SLC13A2: variants seen among roughly 807,000 people sequenced by gnomAD.
SLC13A2 encodes the protein Na(+)-coupled citrate transporter.
In SLC13A2, 40 loss-of-function variants were observed where a neutral mutation model predicts 58.5. The ratio of observed to expected loss-of-function variants is 0.68; its 90% CI spans 0.53 to 0.89. The LOEUF (loss-of-function observed/expected upper bound fraction) is 0.89, where lower values mean the gene tolerates loss of function less well. Among genes scored for constraint, SLC13A2 ranks in the 40% least tolerant of loss-of-function variants. SLC13A2 has a pLI of 0.00. For synonymous variants in SLC13A2, 341 were observed against 331.6 expected, an observed-to-expected ratio of 1.03 and a Z score of -0.31; for missense variants, 694 against 772.6, an observed-to-expected ratio of 0.90 and a Z score of 1.21.
In SLC13A2 at chr17:28,494,867, G is replaced by A. The variant is rs1490498121; in HGVS notation, c.1308+355G>A. Among the ~76,000 whole-genome samples the A allele has an allele frequency of 6.6e-6, 1 of 152,062 alleles. No homozygotes were observed. The highest frequency in any genetic ancestry group is 2.4e-5 in the African/African-American group (1 of 41,392). On this transcript the variant is annotated intron_variant, in intron 9 of 11. Transcript: ENST00000314669. This position sits in a 1 kb window ranked among gnomAD's most constrained non-coding sequence, Gnocchi z 4.0. ...AAGTAATTGGGGGTTGTGTTGACGC[G>A]GTCTGCCCTCCGCAGCCACCAGGGG...
At chr17:28,493,895 G>T in intron 7 of SLC13A2, 106 bp downstream of exon 7, 1 of 1,463,298 alleles carries the variant, frequency 6.8e-7, no homozygotes, top group African/African-American at 1.4e-5. Flanking sequence ...AACACTTGGT[G>T]GGGGATGAAG....
At chr17:28,493,853 G>T (rs1555604078) in intron 7 of SLC13A2, 64 bp downstream of exon 7, 1 of 1,571,362 alleles carries the variant, frequency 6.4e-7, no homozygotes. Flanking sequence ...AAGGAGGGAA[G>T]GGTATAGGGC....
rs374313283 is a variant in SLC13A2, at chr17:28,495,842, C to T, written c.1470+26C>T. On this transcript the variant is annotated intron_variant, in intron 10 of 11. Transcript: ENST00000314669. ...GTGAGCTGGCCCTCAGAAACACCTC[C>T]TCCAGGCAGCCCGCCTGCCTGCCCC... 6.2e-6 allele frequency: 10 copies of T among 1,603,284 alleles called. No homozygotes were observed. In the African/African-American group the frequency reaches 1.3e-4, roughly 21 times the overall value.
Position 28,494,620 on chromosome 17 carries a change from G to T in SLC13A2, c.1308+108G>T. ...AGAGGGGAGACCTGGTCCCCACGTA[G>T]GAGCCTCTCGGGTAGGCAGAGCCTT... On this transcript the variant is annotated intron_variant, in intron 9 of 11. Transcript: ENST00000314669. This position sits in a 1 kb window ranked among gnomAD's most constrained non-coding sequence, Gnocchi z 4.0. 6.7e-7 allele frequency: 1 copy of T among 1,500,362 alleles called. No individual in the cohort carries two copies. The highest frequency in any genetic ancestry group is 1.2e-5 in the South Asian group (1 of 80,014). The allele number at this position is 1,500,362 out of a possible 1,614,324, so 92.9% of individuals were successfully genotyped here. A position where few individuals can be genotyped will look rare whatever the true frequency, so the allele number is the denominator to read the frequency against.
chr17:28,496,457 C>T lies in SLC13A2; in HGVS notation c.1478C>T (p.Ala493Val). The change falls in exon 11 of 12, where the codon GCC (alanine) becomes GTC (valine). Residue 493 changes from alanine (A) to valine (V), a missense_variant. Coordinates refer to ENST00000314669, the MANE Select transcript of SLC13A2 (RefSeq NM_003984.4). The surrounding 1 kb of genome is among the most constrained non-coding windows in gnomAD (Gnocchi z 4.2). ...FLPILASMAQ[A>V]ICLHPLYVML... ...CACTGCCTCCCACTCCAGGCCCAGG[C>T]CATCTGCCTCCACCCTCTCTACGTC... is the stretch of plus-strand genomic sequence containing the variant. 6.2e-7 allele frequency: 1 copy of T among 1,603,388 alleles called. No individual in the cohort carries two copies.
intron 1 of SLC13A2, among the ~76,000 whole-genome samples, chr17:28,479,079 T>C (rs1219721049): frequency 6.6e-6 from 1 of 151,890 alleles, no homozygotes; most frequent in Non-Finnish European, 1.5e-5. Flanking sequence ...CCAGGTGTGG[T>C]GGTGTGTGCC....
chr17:28,494,345 G>T lies in SLC13A2; in HGVS notation c.1187-46G>T, dbSNP rs1358494251. The stretch of plus-strand genomic sequence containing the variant: ...GAGCCCGCAAATGGAGAGGGGAAAG[G>T]CCTGTTTGTTCTTTGGTGACCCATC... On this transcript the variant is annotated intron_variant, in intron 8 of 11. Transcript: ENST00000314669. This position sits in a 1 kb window ranked among gnomAD's most constrained non-coding sequence, Gnocchi z 4.0. 1.9e-6 allele frequency: 3 copies of T among 1,614,120 alleles called. No individual in the cohort carries two copies. The highest frequency in any genetic ancestry group is 3.3e-5 in the Admixed American group (2 of 60,028).
chr17:28,478,781 A>G (rs187781954), intron 1 of SLC13A2, among the ~76,000 whole-genome samples: 3 of 152,312 alleles, frequency 2.0e-5, no homozygotes, highest in African/African-American at 7.2e-5. Flanking sequence ...TCATCCAACC[A>G]TGCATTTTGT....
intron 1 of SLC13A2, among the ~76,000 whole-genome samples, chr17:28,477,764 T>G (rs1342725525): frequency 1.3e-5 from 2 of 152,172 alleles, no homozygotes; most frequent in Admixed American, 6.5e-5. Flanking sequence ...AAAGCCTATG[T>G]GTCGGGCTGG....
At chr17:28,485,174 T>C (rs1229484002) in intron 1 of SLC13A2, among the ~76,000 whole-genome samples, 1 of 152,036 alleles carries the variant, frequency 6.6e-6, no homozygotes, top group Non-Finnish European at 1.5e-5. Context: ...AAGAAGAGCA[T>C]TCGCCACCAG....
In SLC13A2 at chr17:28,494,422, C is replaced by T. The variant is rs782758793; in HGVS notation, c.1218C>T (p.Gly406=). The T allele has an allele frequency of 3.1e-6, 5 of 1,614,202 alleles. No homozygotes were observed. The highest frequency in any genetic ancestry group is 2.2e-5 in the South Asian group (2 of 91,084). ...CAGGGAAGCTGAAGGCCCCTCTTGG[C>T]CTCCTCGACTGGAAGACGGTGAACC... ...ENPGKLKAPL[G]LLDWKTVNQK... is the part of the protein sequence containing the mutation. Residue 406 remains glycine, a synonymous_variant, in exon 9 of 12, where the codon GGC becomes GGT. Coordinates refer to ENST00000314669, the MANE Select transcript of SLC13A2 (RefSeq NM_003984.4). This position sits in a 1 kb window ranked among gnomAD's most constrained non-coding sequence, Gnocchi z 4.0.
In SLC13A2 at chr17:28,494,050, C is replaced by T. The variant is rs147640946; in HGVS notation, c.1131C>T (p.Ile377=). Reference sequence around the variant, plus strand: ...CCGATGGGACAGTGGCCATCTTCATCGGCATAATTATGTTCATCATACCCT... The same window carrying T: ...CCGATGGGACAGTGGCCATCTTCATTGGCATAATTATGTTCATCATACCCT... ...MVSDGTVAIF[I]GIIMFIIPSK... is the part of the protein sequence containing the mutation. Residue 377 remains isoleucine, a synonymous_variant, in exon 8 of 12, where the codon ATC becomes ATT. Transcript: ENST00000314669. This position sits in a 1 kb window ranked among gnomAD's most constrained non-coding sequence, Gnocchi z 4.0. 35 of 1,613,962 alleles carry T rather than the reference C, an allele frequency of 2.2e-5. No homozygotes were observed. Among genetic ancestry groups the T allele is most frequent in the Non-Finnish European group, 2.5e-5 (29 of 1,180,012 alleles).
At chr17:28,476,774 C>T (rs1179288537) in intron 1 of SLC13A2, among the ~76,000 whole-genome samples, 1 of 152,156 alleles carries the variant, frequency 6.6e-6, no homozygotes, top group African/African-American at 2.4e-5. Flanking sequence ...CTCTGGCTTC[C>T]TGCACTAGAA....
Position 28,491,775 on chromosome 17 carries a change from C to T in SLC13A2, c.801C>T (p.Phe267=). The change falls in exon 6 of 12, where the codon TTC becomes TTT. Residue 267 remains phenylalanine, a synonymous_variant. Coordinates refer to ENST00000314669, the MANE Select transcript of SLC13A2 (RefSeq NM_003984.4). ...ACGTGGTGAACTTCGCCTCCTGGTT[C>T]AGCTTCGCCTTCCCCACCATGGTCA... The part of the protein sequence containing the change: ...NGNVVNFASW[F]SFAFPTMVIL... The T allele has an allele frequency of 6.2e-7, 1 of 1,614,218 alleles. No homozygotes were observed.
chr17:28,494,728 C>CA lies in SLC13A2; in HGVS notation c.1308+219dup, dbSNP rs2069106727. ...CCTAGGGACCTCTTTGTTCAGTTCTCAAAGTCCAAGGGAAGGCAGGATTCT... is the reference window on the plus strand; with the variant it reads ...CCTAGGGACCTCTTTGTTCAGTTCTCAAAAGTCCAAGGGAAGGCAGGATTCT... On this transcript the variant is annotated intron_variant, in intron 9 of 11. Transcript: ENST00000314669. This position sits in a 1 kb window ranked among gnomAD's most constrained non-coding sequence, Gnocchi z 4.0. Among the ~76,000 whole-genome samples, 1 of 152,258 alleles carries CA rather than the reference C, an allele frequency of 6.6e-6. No individual in the cohort carries two copies. Among genetic ancestry groups the CA allele is most frequent in the South Asian group, 2.1e-4 (1 of 4,822 alleles).
At chr17:28,475,317 T>C (rs2068652339) in intron 1 of SLC13A2, among the ~76,000 whole-genome samples, 1 of 152,198 alleles carries the variant, frequency 6.6e-6, no homozygotes, top group South Asian at 2.1e-4. Context: ...GCTACCTGCC[T>C]CTGGCTCACA....
In SLC13A2 at chr17:28,496,429, C is replaced by T. The variant is rs376562522; in HGVS notation, c.1471-21C>T. The stretch of plus-strand genomic sequence containing the variant: ...GGCTTGGGGACCAAGTTCAGCTCTG[C>T]GCCACTGCCTCCCACTCCAGGCCCA... On this transcript the variant is annotated intron_variant, in intron 10 of 11. Coordinates refer to ENST00000314669, the MANE Select transcript of SLC13A2 (RefSeq NM_003984.4). The surrounding 1 kb of genome is among the most constrained non-coding windows in gnomAD (Gnocchi z 4.2). 3.1e-5 allele frequency: 49 copies of T among 1,586,198 alleles called. No individual in the cohort carries two copies. The highest frequency in any genetic ancestry group is 1.7e-4 in the Middle Eastern group (1 of 5,920).
At chr17:28,488,119 A>C (rs1410253360) in intron 1 of SLC13A2, among the ~76,000 whole-genome samples, 1 of 152,158 alleles carries the variant, frequency 6.6e-6, no homozygotes, top group Non-Finnish European at 1.5e-5. Flanking sequence ...CAAAAATGAC[A>C]ATACTAAGTT....
chr17:28,493,168 T>G (rs1447912311), intron 6 of SLC13A2, among the ~76,000 whole-genome samples: 1 of 151,918 alleles, frequency 6.6e-6, no homozygotes, highest in Non-Finnish European at 1.5e-5. Flanking sequence ...ACAATGCAGG[T>G]GGGGCTCAGG....
Sources: gnomAD v4.1 joint callset for allele counts (sites outside exome capture counted in the v4.1 genomes callset) on GRCh38, gnomAD v4.1.1 for gene constraint, Gnocchi (gnomAD v3.1) non-coding constraint, MANE v1.5 for transcripts, NCBI Gene and HGNC (gene_info 2026-07-23, HGNC 2026-07-21) for gene names.